SEMA6D: variants seen among roughly 807,000 people sequenced by gnomAD.
SEMA6D encodes the protein semaphorin-6D.
A neutral mutation model predicts 106.6 loss-of-function variants in SEMA6D; 35 were observed. The ratio of observed to expected loss-of-function variants is 0.33; its 90% CI spans 0.25 to 0.44. SEMA6D has a LOEUF of 0.44. SEMA6D is among the 20% of genes least tolerant of loss of function. The pLI, the probability that SEMA6D is intolerant of heterozygous loss-of-function variation, is 1.00. For missense variants in SEMA6D, 1,185 were observed against 1,345.9 expected (o/e 0.88, Z 1.87); for synonymous variants, 499 against 487.7 (o/e 1.02, Z -0.31).
chr15:47,551,709 G>T (rs2045698950), intron 3 of SEMA6D, among the ~76,000 whole-genome samples: 1 of 151,200 alleles, frequency 6.6e-6, no homozygotes, highest in Non-Finnish European at 1.5e-5. Context: ...GTCCCCTTAT[G>T]CACCTGCATT....
At chr15:47,374,507 C>T (rs1157671434) in intron 1 of SEMA6D, among the ~76,000 whole-genome samples, 1 of 152,124 alleles carries the variant, frequency 6.6e-6, no homozygotes, top group Non-Finnish European at 1.5e-5. Context: ...AGGTCTCTTC[C>T]TCCCTCCTTG....
At chr15:47,242,171 T>C (rs964812461) in intron 1 of SEMA6D, among the ~76,000 whole-genome samples, 3 of 152,188 alleles carry the variant, frequency 2.0e-5, no homozygotes, top group Non-Finnish European at 2.9e-5. Context: ...TCAGGGGCTA[T>C]ATCAGATTAG....
intron 1 of SEMA6D, among the ~76,000 whole-genome samples, chr15:47,754,969 T>C (rs2081631966): frequency 1.3e-5 from 2 of 151,412 alleles, no homozygotes; most frequent in South Asian, 4.2e-4. Flanking sequence ...TTTTTTTTTT[T>C]GAGATGGAGT....
At chr15:47,641,399 G>T (rs1484207329) in intron 4 of SEMA6D, among the ~76,000 whole-genome samples, 1 of 152,064 alleles carries the variant, frequency 6.6e-6, no homozygotes, top group East Asian at 1.9e-4. Flanking sequence ...AGGAATTTCA[G>T]TCTCCCTCTC....
In SEMA6D at chr15:47,234,507, C is replaced by T. The variant is rs749160811; in HGVS notation, c.-239+50089C>T. ...TTCCTCAGTCCTCTTTCACCCTTCC[C>T]CTTCCTGAGTCTCCAATGTCTTGTT... On this transcript the variant is annotated intron_variant, in intron 1 of 19. Transcript: ENST00000558014. Among the ~76,000 whole-genome samples, 61 of 151,880 alleles carry T rather than the reference C, an allele frequency of 4.0e-4. 1 individual carries two copies. Among genetic ancestry groups the T allele is most frequent in the Admixed American group, 1.3e-4 (2 of 15,184 alleles).
At chr15:47,601,636 A>G (rs1230009010) in intron 4 of SEMA6D, among the ~76,000 whole-genome samples, 1 of 152,212 alleles carries the variant, frequency 6.6e-6, no homozygotes, top group African/African-American at 2.4e-5. Flanking sequence ...GTGGATTTCT[A>G]GTATGTGCCA....
intron 3 of SEMA6D, among the ~76,000 whole-genome samples, chr15:47,556,991 A>T (rs1299631725): frequency 6.6e-6 from 1 of 152,202 alleles, no homozygotes; most frequent in Non-Finnish European, 1.5e-5. Context: ...GTACATAACA[A>T]TGCCTACCTT....
chr15:47,767,202 C>A, intron 17 of SEMA6D, 109 bp downstream of exon 17: 2 of 681,198 alleles, frequency 2.9e-6, no homozygotes, highest in South Asian at 2.1e-5. Flanking sequence ...CTTCATTTTT[C>A]CGCTTTGACT....
chr15:47,264,308 A>G (rs1308397122), intron 1 of SEMA6D, among the ~76,000 whole-genome samples: 1 of 151,416 alleles, frequency 6.6e-6, no homozygotes, highest in Non-Finnish European at 1.5e-5. Context: ...TACTTATGTA[A>G]TAAACCTGGT....
intron 1 of SEMA6D, among the ~76,000 whole-genome samples, chr15:47,289,166 C>G (rs541379624): frequency 6.6e-6 from 1 of 151,836 alleles, no homozygotes; most frequent in South Asian, 2.1e-4. Context: ...AAGGCCGAGG[C>G]AGGTGAATCA....
At chr15:47,215,090 A>G (rs2030439519) in intron 1 of SEMA6D, among the ~76,000 whole-genome samples, 1 of 90,742 alleles carries the variant, frequency 1.1e-5, no homozygotes, top group South Asian at 2.9e-4. Flanking sequence ...ACTTATTTTG[A>G]GGCTAATTAT....
intron 3 of SEMA6D, among the ~76,000 whole-genome samples, chr15:47,555,728 G>T (rs2045897990): frequency 6.6e-6 from 1 of 152,140 alleles, no homozygotes; most frequent in Non-Finnish European, 1.5e-5. Context: ...ACCATATTTT[G>T]ATAATGATTA....
intron 4 of SEMA6D, among the ~76,000 whole-genome samples, chr15:47,705,400 G>A (rs957317826): frequency 1.3e-5 from 2 of 152,050 alleles, no homozygotes; most frequent in African/African-American, 2.4e-5. Flanking sequence ...TAAACTTCAC[G>A]TTAAACATTA....
intron 1 of SEMA6D, among the ~76,000 whole-genome samples, chr15:47,406,225 T>C (rs777219881): frequency 7.9e-5 from 12 of 152,184 alleles, no homozygotes; most frequent in Non-Finnish European, 1.5e-4. Flanking sequence ...GCAACAAAGC[T>C]CAGTCTATAT....
At chr15:47,659,966 A>G (rs2077884175) in intron 4 of SEMA6D, among the ~76,000 whole-genome samples, 2 of 152,062 alleles carry the variant, frequency 1.3e-5, no homozygotes, top group Non-Finnish European at 2.9e-5. Context: ...AACTTTGATC[A>G]TTACCAAAAG....
At chr15:47,332,523 G>A (rs1279724321) in intron 1 of SEMA6D, among the ~76,000 whole-genome samples, 1 of 152,148 alleles carries the variant, frequency 6.6e-6, no homozygotes, top group Non-Finnish European at 1.5e-5. Context: ...GGCACAAAAC[G>A]GGGGAGATGA....
intron 4 of SEMA6D, among the ~76,000 whole-genome samples, chr15:47,617,292 T>C (rs905607331): frequency 6.6e-6 from 1 of 152,174 alleles, no homozygotes; most frequent in South Asian, 2.1e-4. Context: ...GAGAAAATCA[T>C]AGTTAGTAGT....
chr15:47,202,811 C>T (rs1595734060), intron 1 of SEMA6D, among the ~76,000 whole-genome samples: 1 of 151,992 alleles, frequency 6.6e-6, no homozygotes, highest in Non-Finnish European at 1.5e-5. Flanking sequence ...TGCTTCAGAC[C>T]CTTACAGATT....
intron 4 of SEMA6D, among the ~76,000 whole-genome samples, chr15:47,680,882 C>G (rs550083176): frequency 2.6e-5 from 4 of 152,130 alleles, no homozygotes; most frequent in Non-Finnish European, 4.4e-5. Flanking sequence ...ACCAAAATCA[C>G]AATGAGGTAT....
Sources: allele counts gnomAD v4.1 joint callset (sites outside exome capture counted in the v4.1 genomes callset), GRCh38; gene constraint gnomAD v4.1.1; transcripts MANE v1.5; gene names NCBI Gene and HGNC (gene_info 2026-07-23, HGNC 2026-07-21).